Variants in SPATA6 observed in about 807,000 individuals in gnomAD.
SPATA6 encodes the protein spermatogenesis associated 6.
SPATA6 carries 56 observed loss-of-function variants against 65.3 expected under a neutral mutation model. That is an observed-to-expected ratio of 0.86 (90% CI 0.69 to 1.07). SPATA6 has a LOEUF of 1.07. Among genes scored for constraint, SPATA6 ranks in the 50% least tolerant of loss-of-function variants. The pLI is 0.00. For missense variants in SPATA6, 590 were observed against 594.8 expected (o/e 0.99, Z 0.08); for synonymous variants, 199 against 213.2 (o/e 0.93, Z 0.58).
At chr1:48,381,648 C>CTTTTTTTT (rs36045284) in intron 9 of SPATA6, among the ~76,000 whole-genome samples, 3 of 112,360 alleles carry the variant, frequency 2.7e-5, no homozygotes, top group South Asian at 2.9e-4. Context: ...TATGGTTTTT[C>CTTTTTTTT]TTTTTTTTTT....
chr1:48,327,907 A>G (rs1484971983), intron 11 of SPATA6, among the ~76,000 whole-genome samples: 2 of 152,162 alleles, frequency 1.3e-5, no homozygotes, highest in African/African-American at 4.8e-5. Context: ...ATTACACTAG[A>G]ACCACAATTT....
At chr1:48,356,600 G>A (rs1479991113) in intron 10 of SPATA6, among the ~76,000 whole-genome samples, 3 of 140,748 alleles carry the variant, frequency 2.1e-5, no homozygotes, top group East Asian at 2.2e-4. Context: ...TGCAACCTCC[G>A]CCTCCCAGGT....
At chr1:48,354,482 C>A (rs917923306) in intron 11 of SPATA6, among the ~76,000 whole-genome samples, 1 of 151,982 alleles carries the variant, frequency 6.6e-6, no homozygotes. Context: ...AAACCAAATG[C>A]GCACCAATGG....
chr1:48,382,045 C>T (rs1648693844), intron 9 of SPATA6, among the ~76,000 whole-genome samples: 1 of 84,908 alleles, frequency 1.2e-5, no homozygotes, highest in Non-Finnish European at 2.3e-5. Context: ...TCAACAGGAT[C>T]CCAAGGCAGA....
downstream of SPATA6, among the ~76,000 whole-genome samples, chr1:48,294,652 T>A (rs1264213689): frequency 6.6e-6 from 1 of 152,232 alleles, no homozygotes; most frequent in Non-Finnish European, 1.5e-5. Flanking sequence ...AAACTCCATC[T>A]CCACTCTTGT....
At chr1:48,380,442 G>T (rs1648433109) in intron 9 of SPATA6, among the ~76,000 whole-genome samples, 1 of 152,180 alleles carries the variant, frequency 6.6e-6, no homozygotes, top group Non-Finnish European at 1.5e-5. Context: ...TAAAGGGGTT[G>T]AAATGCAGTT....
intron 11 of SPATA6, among the ~76,000 whole-genome samples, chr1:48,319,538 C>T (rs1570098908): frequency 6.6e-6 from 1 of 152,094 alleles, no homozygotes; most frequent in Admixed American, 6.5e-5. Context: ...CCAGAGAAGC[C>T]ATGAAAATCA....
chr1:48,372,633 T>C (rs1377754694), intron 9 of SPATA6, among the ~76,000 whole-genome samples: 2 of 152,328 alleles, frequency 1.3e-5, no homozygotes, highest in East Asian at 3.9e-4. Flanking sequence ...AGGGACTCTG[T>C]GTGGGGGCTC....
At chr1:48,335,021 A>G (rs1340292619) in intron 11 of SPATA6, among the ~76,000 whole-genome samples, 3 of 152,142 alleles carry the variant, frequency 2.0e-5, no homozygotes, top group Admixed American at 6.6e-5. Context: ...TCAGGAATGC[A>G]ATACCATTCA....
At chr1:48,315,096 C>T (rs571913274) in intron 11 of SPATA6, among the ~76,000 whole-genome samples, 7 of 152,230 alleles carry the variant, frequency 4.6e-5, no homozygotes, top group Admixed American at 1.3e-4. Flanking sequence ...GATTCACAGC[C>T]GAATTCTACC....
At chr1:48,287,843 A>G in the SPATA6 span, among the ~76,000 whole-genome samples, 1 of 152,248 alleles carries the variant, frequency 6.6e-6, no homozygotes, top group African/African-American at 2.4e-5. Context: ...TAGAATACTG[A>G]ATAGCAGCAG....
chr1:48,411,574 ACAGTGTTT>A lies in SPATA6; in HGVS notation c.287_294del (p.Glu96ValfsTer4). The A allele has an allele frequency of 6.3e-7, 1 of 1,599,174 alleles. No individual in the cohort carries two copies. The highest frequency in any genetic ancestry group is 8.5e-7 in the Non-Finnish European group (1 of 1,173,396). On this transcript the variant is annotated frameshift_variant, in exon 5 of 13. Coordinates refer to ENST00000371847, the MANE Select transcript of SPATA6 (RefSeq NM_019073.4). LOFTEE classifies it high-confidence loss of function. Reference sequence around the variant, plus strand: ...TCTCGTGTATTTTCGTCATACGTAGACAGTGTTTCACCCACTACAAGAAAGATACCCTA... The same window carrying A: ...TCTCGTGTATTTTCGTCATACGTAGACACCCACTACAAGAAAGATACCCTA...
At chr1:48,462,271 C>G (rs1657501323) in intron 1 of SPATA6, among the ~76,000 whole-genome samples, 1 of 152,032 alleles carries the variant, frequency 6.6e-6, no homozygotes, top group Non-Finnish European at 1.5e-5. Flanking sequence ...GTGCAGCACA[C>G]CAGCATGGCA....
At chr1:48,467,382 A>G (rs898363214) in intron 1 of SPATA6, among the ~76,000 whole-genome samples, 1 of 152,168 alleles carries the variant, frequency 6.6e-6, no homozygotes, top group Non-Finnish European at 1.5e-5. Flanking sequence ...TCCAGTTTAT[A>G]GTAATTGGGA....
intron 3 of SPATA6, among the ~76,000 whole-genome samples, chr1:48,419,482 A>G (rs919468620): frequency 1.3e-5 from 2 of 152,218 alleles, no homozygotes; most frequent in African/African-American, 4.8e-5. Flanking sequence ...GTAAGAAAGC[A>G]GCAACGAGAA....
At chr1:48,399,326 T>C (rs376816744) in intron 7 of SPATA6, 25 bp downstream of exon 7, 6 of 1,587,066 alleles carry the variant, frequency 3.8e-6, no homozygotes, top group African/African-American at 1.4e-5. Context: ...CAGTTTCAAA[T>C]AGAAATGCTT....
chr1:48,324,440 C>G (rs1007684552), intron 11 of SPATA6, among the ~76,000 whole-genome samples: 2 of 152,086 alleles, frequency 1.3e-5, no homozygotes, highest in Admixed American at 6.6e-5. Context: ...TATAAAAACT[C>G]TTAGCAAAAT....
At chr1:48,289,480 C>G in the SPATA6 span, among the ~76,000 whole-genome samples, 1 of 152,174 alleles carries the variant, frequency 6.6e-6, no homozygotes. Context: ...AGCAGTGGAA[C>G]AAAGCTGGAT....
chr1:48,420,117 C>T (rs866197363), intron 3 of SPATA6, among the ~76,000 whole-genome samples: 2 of 152,004 alleles, frequency 1.3e-5, no homozygotes, highest in South Asian at 2.1e-4. Flanking sequence ...CACCAATGGC[C>T]AATGGTTTAA....
Sources: allele counts gnomAD v4.1 joint callset (sites outside exome capture counted in the v4.1 genomes callset), GRCh38; gene constraint gnomAD v4.1.1; transcripts MANE v1.5; gene names NCBI Gene and HGNC (gene_info 2026-07-23, HGNC 2026-07-21).